The following ST3GAL1 variants were observed in gnomAD, a reference collection of about 807,000 sequenced individuals.
ST3GAL1 encodes the protein ST3 beta-galactoside alpha-2,3-sialyltransferase 1.
In ST3GAL1, 16 loss-of-function variants were observed where a neutral mutation model predicts 34.1. The ratio of observed to expected loss-of-function variants is 0.47; its 90% CI spans 0.32 to 0.71. ST3GAL1 has a LOEUF of 0.71. Ranked by LOEUF, ST3GAL1 falls within the 30% of genes least tolerant of loss-of-function variation. The pLI, the probability that ST3GAL1 is intolerant of heterozygous loss-of-function variation, is 0.04. For missense variants in ST3GAL1, 353 were observed against 447.4 expected (o/e 0.79, Z 1.90); for synonymous variants, 191 against 184.7 (o/e 1.03, Z -0.28).
intron 1 of ST3GAL1, among the ~76,000 whole-genome samples, chr8:133,550,548 A>G (rs1818808373): frequency 6.6e-6 from 1 of 152,272 alleles, no homozygotes; most frequent in African/African-American, 2.4e-5. Context: ...TCCTAATACC[A>G]GGCGAATTAC....
intron 1 of ST3GAL1, among the ~76,000 whole-genome samples, chr8:133,566,673 T>A (rs1479659844): frequency 6.6e-6 from 1 of 152,220 alleles, no homozygotes; most frequent in Non-Finnish European, 1.5e-5. Flanking sequence ...CCACCTGCCA[T>A]GCCACCCTCC....
intron 3 of ST3GAL1, among the ~76,000 whole-genome samples, chr8:133,498,631 ATAC>A (rs552853987): frequency 3.3e-5 from 5 of 152,254 alleles, no homozygotes; most frequent in Non-Finnish European, 2.9e-5. Flanking sequence ...AAAACCAAAA[ATAC>A]TACAAACCAC....
intron 3 of ST3GAL1, among the ~76,000 whole-genome samples, chr8:133,496,617 G>A (rs1271948134): frequency 1.3e-5 from 2 of 152,160 alleles, no homozygotes; most frequent in East Asian, 3.9e-4. Flanking sequence ...TTGTACACTG[G>A]CTGAGGTGGC....
At chr8:133,502,861 C>T (rs150905629) in intron 2 of ST3GAL1, among the ~76,000 whole-genome samples, 13 of 152,360 alleles carry the variant, frequency 8.5e-5, no homozygotes, top group African/African-American at 2.6e-4. Flanking sequence ...GCCTCCACCT[C>T]TCACTGTGGG....
intron 3 of ST3GAL1, among the ~76,000 whole-genome samples, chr8:133,493,832 C>A (rs1816858126): frequency 7.2e-6 from 1 of 139,402 alleles, no homozygotes; most frequent in South Asian, 2.3e-4. Context: ...GGCGACAGAG[C>A]AAGACTCTGT....
At chr8:133,511,775 C>A (rs1242466281) in intron 2 of ST3GAL1, among the ~76,000 whole-genome samples, 3 of 152,080 alleles carry the variant, frequency 2.0e-5, no homozygotes, top group African/African-American at 4.8e-5. Flanking sequence ...AGGAGAAGGC[C>A]AGGCACGGTG....
intron 2 of ST3GAL1, among the ~76,000 whole-genome samples, chr8:133,507,959 G>A (rs1351994713): frequency 6.6e-6 from 1 of 152,020 alleles, no homozygotes; most frequent in Non-Finnish European, 1.5e-5. Flanking sequence ...CCTTGATCCA[G>A]AGAACTGCCT....
chr8:133,520,773 G>GTTTTT (rs34241731), intron 2 of ST3GAL1, among the ~76,000 whole-genome samples: 14 of 130,880 alleles, frequency 1.1e-4, no homozygotes, highest in African/African-American at 4.1e-4. Flanking sequence ...TTTTTTGTGG[G>GTTTTT]TTTTTTTTTT....
At chr8:133,471,311 C>A (rs1341190620) in intron 5 of ST3GAL1, among the ~76,000 whole-genome samples, 1 of 152,220 alleles carries the variant, frequency 6.6e-6, no homozygotes, top group Admixed American at 6.5e-5. Context: ...GAGCCCCTAT[C>A]ACATCCCCGG....
In ST3GAL1 at chr8:133,468,756, C is replaced by G. The variant is rs190856422; in HGVS notation, c.307-2666G>C. Among the ~76,000 whole-genome samples, 4 of 152,304 alleles carry G rather than the reference C, an allele frequency of 2.6e-5. No individual in the cohort carries two copies. The East Asian group carries it at 7.7e-4, about 29-fold the overall frequency. On this transcript the variant is annotated intron_variant, in intron 5 of 9. Transcript: ENST00000522652. ...AACCCCCTGGAGGCTTGCTAAGGCACAGATCTTACTCAGTAGGTTTAAAGC... is the reference window on the plus strand; with the variant it reads ...AACCCCCTGGAGGCTTGCTAAGGCAGAGATCTTACTCAGTAGGTTTAAAGC...
intron 2 of ST3GAL1, among the ~76,000 whole-genome samples, chr8:133,499,751 C>T (rs1048125946): frequency 3.9e-5 from 6 of 152,148 alleles, no homozygotes; most frequent in Admixed American, 1.3e-4. Context: ...ACAAGGAAAC[C>T]GAAGCTCGGA....
In ST3GAL1 at chr8:133,560,806, G is replaced by A. The variant is rs367733975; in HGVS notation, c.-582+10887C>T. 4.9e-4 allele frequency among the ~76,000 whole-genome samples: 74 copies of A among 152,256 alleles called. No individual in the cohort carries two copies. In the East Asian group the frequency reaches 9.6e-3, roughly 20 times the overall value. On this transcript the variant is annotated intron_variant, in intron 1 of 9. Coordinates refer to ENST00000522652, the MANE Select transcript of ST3GAL1 (RefSeq NM_173344.3). The stretch of plus-strand genomic sequence containing the variant: ...TATAAATCCTGGTTCTGCCACTTTC[G>A]AGCTAAGTGACCTCGGTTAAGTGAC...
At chr8:133,483,784 C>T (rs1044993955) in intron 3 of ST3GAL1, among the ~76,000 whole-genome samples, 1 of 152,194 alleles carries the variant, frequency 6.6e-6, no homozygotes, top group African/African-American at 2.4e-5. Context: ...TCTGCAACAG[C>T]CTTGCCTTGG....
Position 133,528,044 on chromosome 8 carries a change from G to A in ST3GAL1, c.-429+17730C>T, listed in dbSNP as rs185733378. On this transcript the variant is annotated intron_variant, in intron 2 of 9. Coordinates refer to ENST00000522652, the MANE Select transcript of ST3GAL1 (RefSeq NM_173344.3). ...AAAAAAATTAGCTGGGTGTGGTGGC[G>A]CACACCTGTAGTAGCAGCTACTTGG... Among the ~76,000 whole-genome samples the A allele has an allele frequency of 9.9e-3, 1,498 of 151,628 alleles. 14 individuals carry two copies. The highest frequency in any genetic ancestry group is 0.013 in the Non-Finnish European group (850 of 67,940).
intron 5 of ST3GAL1, among the ~76,000 whole-genome samples, chr8:133,468,444 C>T (rs1410578172): frequency 4.6e-5 from 7 of 152,036 alleles, no homozygotes; most frequent in Non-Finnish European, 1.0e-4. Context: ...AGAGTGGCAG[C>T]GTGGCTGTCA....
intron 2 of ST3GAL1, among the ~76,000 whole-genome samples, chr8:133,517,463 C>T (rs1939452994): frequency 6.6e-6 from 1 of 152,194 alleles, no homozygotes; most frequent in South Asian, 2.1e-4. Flanking sequence ...GATTCTCCTG[C>T]CTCAGCCTCC....
chr8:133,464,763 A>C lies in ST3GAL1; in HGVS notation c.683+15T>G. ...AGGGGCAGAGCAGCGAGGCGGGGCC[A>C]CAGGAGGGACTCACTGGGAAATGGT... On this transcript the variant is annotated intron_variant, in intron 7 of 9. Transcript: ENST00000522652. The C allele has an allele frequency of 2.5e-6, 4 of 1,607,036 alleles. No individual in the cohort carries two copies. Among genetic ancestry groups the C allele is most frequent in the Non-Finnish European group, 3.4e-6 (4 of 1,175,388 alleles).
chr8:133,535,635 T>A (rs781380189), intron 2 of ST3GAL1, among the ~76,000 whole-genome samples: 10 of 151,990 alleles, frequency 6.6e-5, no homozygotes, highest in Non-Finnish European at 1.5e-4. Flanking sequence ...TAGATGCACA[T>A]GCACCATTCC....
intron 3 of ST3GAL1, among the ~76,000 whole-genome samples, chr8:133,478,670 C>G (rs970691576): frequency 2.6e-5 from 4 of 152,210 alleles, no homozygotes; most frequent in African/African-American, 9.7e-5. Context: ...GCCGATGGCT[C>G]TTACTCATTC....
Sources: gnomAD v4.1 joint callset for allele counts (sites outside exome capture counted in the v4.1 genomes callset) on GRCh38, gnomAD v4.1.1 for gene constraint, MANE v1.5 for transcripts, NCBI Gene and HGNC (gene_info 2026-07-23, HGNC 2026-07-21) for gene names.